Variants in VEPH1 observed in about 807,000 individuals in gnomAD.
VEPH1 encodes ventricular zone expressed PH domain containing 1.
Under a neutral mutation model 85.2 loss-of-function variants are expected in VEPH1, and 80 were observed. The observed-to-expected ratio is 0.94, with a 90% CI of 0.78 to 1.13. VEPH1 has a LOEUF of 1.13. VEPH1 is among the 50% of genes most tolerant of loss of function. The pLI is 0.00. For missense variants in VEPH1, 955 were observed against 980.5 expected (o/e 0.97, Z 0.35); for synonymous variants, 297 against 348.0 (o/e 0.85, Z 1.63).
rs1456466295 is a variant in VEPH1, at chr3:157,460,343, G to T, written c.367C>A (p.Pro123Thr). The change falls in exon 4 of 14, where the codon CCC becomes ACC. Residue 123 changes from proline (P) to threonine (T), a missense_variant. By Grantham distance (38) the Pro-to-Thr change is conservative. Transcript: ENST00000362010. The stretch of plus-strand genomic sequence containing the variant: ...GGGATGGCTAATGCCATCACTGGGG[G>T]TCGGTTGTAATTCTGAGGAAATATA... ...MSCILQNYNR[P>T]PVMALAIPIA... The T allele has an allele frequency of 6.2e-7, 1 of 1,612,386 alleles. No individual in the cohort carries two copies. Among genetic ancestry groups the T allele is most frequent in the Non-Finnish European group, 8.5e-7 (1 of 1,178,720 alleles).
intron 11 of VEPH1, among the ~76,000 whole-genome samples, chr3:157,305,998 T>C (rs949067247): frequency 8.5e-5 from 13 of 152,344 alleles, no homozygotes; most frequent in African/African-American, 2.9e-4. Context: ...GGTTTTGCTC[T>C]TTACAGACTT....
rs573288052 is a variant in VEPH1, at chr3:157,453,999, G to A, written c.529+6182C>T. ...GTGTTTCAAAGATTTCATTGTCATCGAAAAAGCATTTTTTAAAAACCCAAA... is the reference window on the plus strand; with the variant it reads ...GTGTTTCAAAGATTTCATTGTCATCAAAAAAGCATTTTTTAAAAACCCAAA... On this transcript the variant is annotated intron_variant, in intron 4 of 13. Transcript: ENST00000362010. Among the ~76,000 whole-genome samples the A allele has an allele frequency of 3.2e-4, 49 of 152,108 alleles. No individual in the cohort carries two copies. The South Asian group carries it at 4.0e-3, about 12-fold the overall frequency.
intron 1 of VEPH1, among the ~76,000 whole-genome samples, 194 bp downstream of exon 1, chr3:157,503,083 A>G (rs1740239949): frequency 6.6e-6 from 1 of 152,190 alleles, no homozygotes; most frequent in African/African-American, 2.4e-5. Flanking sequence ...TTACTCTAAT[A>G]ACCGAAATGC....
chr3:157,339,323 G>T (rs1353099674), intron 9 of VEPH1, among the ~76,000 whole-genome samples: 1 of 152,152 alleles, frequency 6.6e-6, no homozygotes, highest in African/African-American at 2.4e-5. Flanking sequence ...TTCTGCAAAG[G>T]TCATTTATCT....
intron 11 of VEPH1, among the ~76,000 whole-genome samples, chr3:157,299,050 T>C (rs1718452449): frequency 6.6e-6 from 1 of 152,224 alleles, no homozygotes; most frequent in African/African-American, 2.4e-5. Flanking sequence ...CGCATTTTAG[T>C]GATACAGCCT....
intron 3 of VEPH1, among the ~76,000 whole-genome samples, chr3:157,468,794 T>C (rs970927792): frequency 1.3e-5 from 2 of 152,186 alleles, no homozygotes; most frequent in African/African-American, 4.8e-5. Context: ...TATACATATA[T>C]AATTTACCAT....
At chr3:157,374,119 G>A (rs1727818435) in intron 7 of VEPH1, among the ~76,000 whole-genome samples, 1 of 152,186 alleles carries the variant, frequency 6.6e-6, no homozygotes, top group African/African-American at 2.4e-5. Context: ...CCACATGTCA[G>A]ACTTAACCTC....
intron 5 of VEPH1, among the ~76,000 whole-genome samples, chr3:157,423,035 C>A (rs1204655921): frequency 6.6e-6 from 1 of 152,192 alleles, no homozygotes; most frequent in African/African-American, 2.4e-5. Flanking sequence ...ACTTTTTCCC[C>A]TTTGGAGAAT....
At chr3:157,411,626 C>T (rs936976712) in intron 6 of VEPH1, among the ~76,000 whole-genome samples, 3 of 152,134 alleles carry the variant, frequency 2.0e-5, no homozygotes, top group Admixed American at 2.0e-4. Flanking sequence ...TTTAAAAGCT[C>T]CTCACGTAAT....
chr3:157,418,880 C>T (rs1732119781), intron 5 of VEPH1, among the ~76,000 whole-genome samples: 1 of 152,134 alleles, frequency 6.6e-6, no homozygotes, highest in African/African-American at 2.4e-5. Flanking sequence ...CAAGACGATC[C>T]TAAGCAAAAA....
rs1018273707 is a variant in VEPH1 at position 157,421,419 on chromosome 3, G to T, written c.696+6903C>A. On this transcript the variant is annotated intron_variant, in intron 5 of 13. Coordinates refer to ENST00000362010, the MANE Select transcript of VEPH1 (RefSeq NM_001167912.2). ...CTCCAAGTTACAGAGCATCAGGAAT[G>T]CTTTAATGCAGGCAGGGAAGCTCTA... Among the ~76,000 whole-genome samples the T allele has an allele frequency of 2.0e-5, 3 of 152,298 alleles. No homozygotes were observed. The South Asian group carries it at 6.2e-4, about 32-fold the overall frequency.
intron 9 of VEPH1, among the ~76,000 whole-genome samples, chr3:157,326,844 C>G (rs979777733): frequency 6.6e-6 from 1 of 152,244 alleles, no homozygotes; most frequent in East Asian, 1.9e-4. Flanking sequence ...CACAGGGTAG[C>G]CAACTTAATT....
intron 6 of VEPH1, among the ~76,000 whole-genome samples, chr3:157,399,344 T>A (rs1298166195): frequency 1.3e-5 from 2 of 152,180 alleles, no homozygotes; most frequent in Admixed American, 6.5e-5. Context: ...AAAGCCAATT[T>A]CTCCTTTAAA....
intron 2 of VEPH1, among the ~76,000 whole-genome samples, chr3:157,489,943 A>T (rs187119171): frequency 7.8e-4 from 118 of 152,114 alleles, no homozygotes; most frequent in African/African-American, 2.8e-3. Flanking sequence ...ATTTTAAAAA[A>T]GAATATTATT....
intron 12 of VEPH1, among the ~76,000 whole-genome samples, chr3:157,282,095 G>A (rs1421561444): frequency 2.0e-5 from 3 of 152,132 alleles, no homozygotes; most frequent in Non-Finnish European, 4.4e-5. Flanking sequence ...TCCTGACACA[G>A]GAGGCATTTT....
chr3:157,482,712 T>A (rs999138098), intron 2 of VEPH1, among the ~76,000 whole-genome samples: 2 of 152,206 alleles, frequency 1.3e-5, no homozygotes. Context: ...TCAGCTCCTT[T>A]GTTAGATGCA....
At position 157,336,075 on chromosome 3, in the gene VEPH1, A is replaced by G. The variant is rs140250034; in HGVS notation, c.1736-18874T>C. On this transcript the variant is annotated intron_variant, in intron 9 of 13. Transcript: ENST00000362010. ...TTCCTTACATGATAGCTCCTCATCA[A>G]TGAGTACTAAGAGTGACTGAAAATA... Among the ~76,000 whole-genome samples the G allele has an allele frequency of 5.7e-3, 861 of 152,314 alleles. 7 individuals carry two copies. Among genetic ancestry groups the G allele is most frequent in the Middle Eastern group, 0.031 (9 of 294 alleles).
chr3:157,489,912 A>C (rs1023924949), intron 2 of VEPH1, among the ~76,000 whole-genome samples: 2 of 152,156 alleles, frequency 1.3e-5, no homozygotes, highest in South Asian at 4.1e-4. Flanking sequence ...TAACCAACTG[A>C]AAATAGAATT....
intron 7 of VEPH1, among the ~76,000 whole-genome samples, chr3:157,374,854 A>C (rs1727913555): frequency 6.6e-6 from 1 of 152,184 alleles, no homozygotes; most frequent in South Asian, 2.1e-4. Flanking sequence ...GGCAAAAGTT[A>C]CCCTTGACAT....
Sources: gnomAD v4.1 joint callset for allele counts (sites outside exome capture counted in the v4.1 genomes callset) on GRCh38, gnomAD v4.1.1 for gene constraint, MANE v1.5 for transcripts, NCBI Gene and HGNC (gene_info 2026-07-23, HGNC 2026-07-21) for gene names.